The following MAML3 variants were observed in gnomAD, a reference collection of about 807,000 sequenced individuals.
MAML3 encodes mastermind like transcriptional coactivator 3.
MAML3 carries 27 observed loss-of-function variants against 101.9 expected under a neutral mutation model. The observed-to-expected ratio is 0.27, with a 90% CI of 0.20 to 0.37. MAML3 has a LOEUF of 0.37. Among genes scored for constraint, MAML3 ranks in the 10% least tolerant of loss-of-function variants. MAML3 has a pLI of 1.00. For synonymous variants in MAML3, 501 were observed against 555.9 expected, an observed-to-expected ratio of 0.90 and a Z score of 1.39; for missense variants, 1,316 against 1,444.9, an observed-to-expected ratio of 0.91 and a Z score of 1.45.
chr4:139,967,774 C>G (rs1734163304), intron 1 of MAML3, among the ~76,000 whole-genome samples: 1 of 152,134 alleles, frequency 6.6e-6, no homozygotes, highest in Non-Finnish European at 1.5e-5. Flanking sequence ...CTCCCTGCCT[C>G]TTGGCCAGCC....
intron 1 of MAML3, among the ~76,000 whole-genome samples, chr4:140,045,394 C>T (rs1425125194): frequency 1.0e-5 from 1 of 98,756 alleles, no homozygotes; most frequent in Non-Finnish European, 2.0e-5. Flanking sequence ...GACTCCAACT[C>T]AAAAAAAAAA....
At chr4:140,099,119 T>C (rs906582586) in intron 1 of MAML3, among the ~76,000 whole-genome samples, 5 of 152,136 alleles carry the variant, frequency 3.3e-5, no homozygotes, top group African/African-American at 1.2e-4. Context: ...TGACATGAAT[T>C]GTATGTTTTA....
chr4:139,787,404 C>T (rs776890390), intron 2 of MAML3, among the ~76,000 whole-genome samples: 4 of 152,166 alleles, frequency 2.6e-5, no homozygotes, highest in African/African-American at 4.8e-5. Flanking sequence ...GAGGAAGTAG[C>T]CCTTTCTAAA....
intron 2 of MAML3, among the ~76,000 whole-genome samples, chr4:139,868,626 T>A (rs1356455097): frequency 6.6e-6 from 1 of 152,166 alleles, no homozygotes; most frequent in Non-Finnish European, 1.5e-5. Flanking sequence ...TTCTCATATA[T>A]AAATGGAGGT....
At chr4:139,952,073 G>A (rs1733840526) in intron 1 of MAML3, among the ~76,000 whole-genome samples, 1 of 152,184 alleles carries the variant, frequency 6.6e-6, no homozygotes, top group Non-Finnish European at 1.5e-5. Context: ...GCTGAGGCAG[G>A]AGAATCGCTT....
In MAML3 at chr4:140,011,233, C is replaced by CATATATATAT. The variant is rs70943468; in HGVS notation, c.469-120276_469-120267dup. ...TATTTTGTTATATATATAAAGTGTGCATATATATATATATATATATGACAA... is the reference window on the plus strand; with the variant it reads ...TATTTTGTTATATATATAAAGTGTGCATATATATATATATATATATATATATATATGACAA... On this transcript the variant is annotated intron_variant, in intron 1 of 4. Coordinates refer to ENST00000509479, the MANE Select transcript of MAML3 (RefSeq NM_018717.5). Among the ~76,000 whole-genome samples the CATATATATAT allele has an allele frequency of 7.1e-3, 846 of 119,888 alleles. 10 individuals are homozygous for CATATATATAT. The highest frequency in any genetic ancestry group is 0.029 in the East Asian group (108 of 3,732). 78.7% of individuals were successfully genotyped at this position (119,888 alleles called of 152,430 possible).
intron 1 of MAML3, among the ~76,000 whole-genome samples, chr4:140,050,226 G>A (rs1727245129): frequency 6.6e-6 from 1 of 152,040 alleles, no homozygotes; most frequent in Non-Finnish European, 1.5e-5. Context: ...AACTTTAGAA[G>A]GATTATCTCA....
chr4:140,152,021 A>G (rs1046711598), intron 1 of MAML3, among the ~76,000 whole-genome samples: 1 of 152,246 alleles, frequency 6.6e-6, no homozygotes, highest in Non-Finnish European at 1.5e-5. Flanking sequence ...AAAAAAGGAA[A>G]GAATCCCAAG....
intron 1 of MAML3, among the ~76,000 whole-genome samples, chr4:139,945,586 C>T (rs904141889): frequency 5.9e-5 from 9 of 152,178 alleles, no homozygotes; most frequent in African/African-American, 1.2e-4. Flanking sequence ...GGTTTAATTG[C>T]ATGAAAATAT....
chr4:139,905,593 T>G (rs1222256427), intron 1 of MAML3, among the ~76,000 whole-genome samples: 1 of 150,570 alleles, frequency 6.6e-6, no homozygotes, highest in Non-Finnish European at 1.5e-5. Context: ...CATAACAAAA[T>G]ACCACAGACT....
intron 2 of MAML3, among the ~76,000 whole-genome samples, chr4:139,848,482 A>C (rs1731489076): frequency 6.6e-6 from 1 of 152,258 alleles, no homozygotes; most frequent in African/African-American, 2.4e-5. Flanking sequence ...ATTGAACAAA[A>C]AACAACATTG....
intron 1 of MAML3, among the ~76,000 whole-genome samples, chr4:139,923,624 G>A (rs116223256): frequency 3.3e-3 from 508 of 152,062 alleles, no homozygotes; most frequent in African/African-American, 0.012. Context: ...GTCTTTGTGT[G>A]TGTGTGTGTG....
intron 1 of MAML3, among the ~76,000 whole-genome samples, chr4:140,014,244 T>A (rs996710974): frequency 1.4e-4 from 21 of 152,166 alleles, no homozygotes; most frequent in Non-Finnish European, 2.1e-4. Flanking sequence ...CAGCTTGACA[T>A]AAATATCCAA....
At chr4:140,152,209 AC>A (rs1424568211) in intron 1 of MAML3, among the ~76,000 whole-genome samples, 1 of 152,046 alleles carries the variant, frequency 6.6e-6, no homozygotes, top group African/African-American at 2.4e-5. Context: ...TCCCGCGAGC[AC>A]CCCCGCGCGC....
rs1421434247 is a variant in MAML3, at chr4:139,719,930, C to G, written c.2810G>C (p.Gly937Ala). 6.2e-7 allele frequency: 1 copy of G among 1,613,946 alleles called. No individual in the cohort carries two copies. Among genetic ancestry groups the G allele is most frequent in the African/African-American group, 1.3e-5 (1 of 74,958 alleles). Reference protein sequence around the residue: ...QQHPQMKGPVGQALPRPQAPP... With the variant: ...QQHPQMKGPVAQALPRPQAPP... ...GGCTTGGGGCCTAGGCAAGGCCTGGCCTACTGGCCCTTTCATCTGTGGATG... is the reference window on the plus strand; with the variant it reads ...GGCTTGGGGCCTAGGCAAGGCCTGGGCTACTGGCCCTTTCATCTGTGGATG... Residue 937 changes from glycine to alanine, a missense_variant, in exon 5 of 5, where the codon GGC becomes GCC. Gly to Ala is a moderately conservative substitution (Grantham distance 60). Coordinates refer to ENST00000509479, the MANE Select transcript of MAML3 (RefSeq NM_018717.5).
rs551654170 is a variant in MAML3, at chr4:140,031,474, G to GACT, written c.468+121383_468+121385dup. Among the ~76,000 whole-genome samples, 27 of 152,282 alleles carry GACT rather than the reference G, an allele frequency of 1.8e-4. No homozygotes were observed. The South Asian group carries it at 5.0e-3, about 28-fold the overall frequency. ...GGAAGTTTGTGACTGGATGTGAGGA[G>GACT]ACTACAAAGTTATTAGAGGATAGAC... On this transcript the variant is annotated intron_variant, in intron 1 of 4. Transcript: ENST00000509479.
intron 1 of MAML3, among the ~76,000 whole-genome samples, chr4:140,104,114 A>G (rs56327719): frequency 0.18 from 27,275 of 151,294 alleles, 2,992 homozygotes; most frequent in Middle Eastern, 0.35. Context: ...GAACAAATGT[A>G]GTGGCTCATG....
At chr4:139,860,574 G>A (rs1478541242) in intron 2 of MAML3, among the ~76,000 whole-genome samples, 1 of 152,198 alleles carries the variant, frequency 6.6e-6, no homozygotes, top group Non-Finnish European at 1.5e-5. Context: ...CAGGAAAGGC[G>A]GGCTTTGTCC....
intron 1 of MAML3, among the ~76,000 whole-genome samples, chr4:140,073,418 G>A (rs764146980): frequency 4.6e-5 from 7 of 152,060 alleles, no homozygotes; most frequent in Admixed American, 3.3e-4. Context: ...GATTACAGGC[G>A]TGAACCACCT....
Sources: gnomAD v4.1 joint callset for allele counts (sites outside exome capture counted in the v4.1 genomes callset) on GRCh38, gnomAD v4.1.1 for gene constraint, MANE v1.5 for transcripts, NCBI Gene and HGNC (gene_info 2026-07-23, HGNC 2026-07-21) for gene names.